The following PPHLN1 variants were observed in gnomAD, a reference collection of about 807,000 sequenced individuals.
PPHLN1 encodes the protein periphilin 1.
A neutral mutation model predicts 51.3 loss-of-function variants in PPHLN1; 29 were observed. The ratio of observed to expected loss-of-function variants is 0.57; its 90% CI spans 0.42 to 0.77. The LOEUF (loss-of-function observed/expected upper bound fraction) is 0.77. PPHLN1 is among the 30% of genes least tolerant of loss of function. The pLI is 0.00. For missense variants in PPHLN1, 436 were observed against 438.4 expected (o/e 0.99, Z 0.05); for synonymous variants, 147 against 147.8 (o/e 0.99, Z 0.04).
chr12:42,408,828 A>G (rs2079547457), intron 9 of PPHLN1, among the ~76,000 whole-genome samples: 1 of 152,230 alleles, frequency 6.6e-6, no homozygotes, highest in African/African-American at 2.4e-5. Flanking sequence ...TAAGTAACTG[A>G]TAAGTCACAC....
At chr12:42,371,991 AG>A (rs2075845054) in intron 4 of PPHLN1, among the ~76,000 whole-genome samples, 2 of 152,166 alleles carry the variant, frequency 1.3e-5, no homozygotes, top group African/African-American at 4.8e-5. Context: ...TTACCTTTGT[AG>A]CTTTGTACCA....
At chr12:42,404,564 A>G (rs2079123923) in intron 9 of PPHLN1, among the ~76,000 whole-genome samples, 1 of 152,142 alleles carries the variant, frequency 6.6e-6, no homozygotes, top group Non-Finnish European at 1.5e-5. Flanking sequence ...AATATTTCAT[A>G]GCAAGTTTGT....
intron 7 of PPHLN1, among the ~76,000 whole-genome samples, chr12:42,388,467 CCTT>C (rs1337831399): frequency 1.3e-5 from 2 of 152,124 alleles, no homozygotes; most frequent in Non-Finnish European, 2.9e-5. Context: ...TTCTTGCTGA[CCTT>C]CTCCCTATTA....
intron 7 of PPHLN1, among the ~76,000 whole-genome samples, chr12:42,392,475 C>CTT (rs2077814534): frequency 6.6e-6 from 1 of 152,106 alleles, no homozygotes; most frequent in Non-Finnish European, 1.5e-5. Flanking sequence ...AGTGATGTGA[C>CTT]TTTAGAGAAG....
intron 5 of PPHLN1, among the ~76,000 whole-genome samples, chr12:42,382,434 A>G (rs2076834139): frequency 6.6e-6 from 1 of 151,752 alleles, no homozygotes; most frequent in African/African-American, 2.4e-5. Flanking sequence ...TGTGGAACCC[A>G]TTTTCTTTTG....
intron 2 of PPHLN1, among the ~76,000 whole-genome samples, chr12:42,341,049 C>T (rs184398850): frequency 1.4e-5 from 2 of 147,406 alleles, no homozygotes; most frequent in African/African-American, 2.5e-5. Flanking sequence ...GGCATGATCT[C>T]AGCTCACTGC....
chr12:42,407,984 G>A (rs950351539), intron 9 of PPHLN1, among the ~76,000 whole-genome samples: 1 of 152,090 alleles, frequency 6.6e-6, no homozygotes, highest in African/African-American at 2.4e-5. Context: ...AGGGATCACC[G>A]GGGGCTATTT....
intron 2 of PPHLN1, chr12:42,343,843 A>T (rs1298169320): frequency 2.3e-6 from 1 of 433,096 alleles, no homozygotes; most frequent in South Asian, 1.7e-5. Context: ...TATGTTTTTG[A>T]CACACTGTCA....
At chr12:42,414,133 G>A (rs11181493) in intron 9 of PPHLN1, among the ~76,000 whole-genome samples, 76,163 of 151,688 alleles carry the variant, frequency 0.5, 19,378 homozygotes, top group Admixed American at 0.56. Flanking sequence ...GCCTCCCTGG[G>A]TCAAGCGATT....
chr12:42,436,233 T>C (rs2082468862), intron 9 of PPHLN1, among the ~76,000 whole-genome samples: 2 of 152,208 alleles, frequency 1.3e-5, no homozygotes, highest in African/African-American at 4.8e-5. Context: ...GCGGATGATA[T>C]CGATGGTTTT....
At chr12:42,359,784 C>T (rs1202744791) in intron 4 of PPHLN1, 1 of 152,054 alleles carries the variant, frequency 6.6e-6, no homozygotes, top group Non-Finnish European at 1.5e-5. Context: ...CAAAGTGATT[C>T]TTTGTGCTGT....
intron 7 of PPHLN1, among the ~76,000 whole-genome samples, chr12:42,389,321 C>A (rs569675068): frequency 6.6e-6 from 1 of 151,272 alleles, no homozygotes; most frequent in Non-Finnish European, 1.5e-5. Flanking sequence ...TGCAGTGAGC[C>A]GAGATCACGC....
At chr12:42,413,507 G>T (rs2080063612) in intron 9 of PPHLN1, among the ~76,000 whole-genome samples, 1 of 147,826 alleles carries the variant, frequency 6.8e-6, no homozygotes, top group African/African-American at 2.5e-5. Context: ...ATGCTGTTTT[G>T]ATAACTATAT....
chr12:42,375,234 C>T (rs1565869843), intron 5 of PPHLN1, 160 bp downstream of exon 5: 1 of 509,282 alleles, frequency 2.0e-6, no homozygotes. Flanking sequence ...ATAACAAACA[C>T]CATACACACA....
intron 2 of PPHLN1, among the ~76,000 whole-genome samples, chr12:42,342,300 G>A (rs1173485042): frequency 6.6e-6 from 1 of 152,084 alleles, no homozygotes; most frequent in African/African-American, 2.4e-5. Context: ...ATGTCATCCA[G>A]CTGAAGTGCA....
intron 2 of PPHLN1, 41 bp from the exon 3 acceptor site, chr12:42,351,844 G>T (rs748600078): frequency 6.7e-6 from 10 of 1,499,266 alleles, no homozygotes; most frequent in Non-Finnish European, 8.9e-6. Context: ...ACCAAATAGA[G>T]AAATTAGTCA....
intron 5 of PPHLN1, among the ~76,000 whole-genome samples, chr12:42,376,582 T>G (rs2076283202): frequency 6.6e-6 from 1 of 151,408 alleles, no homozygotes; most frequent in African/African-American, 2.4e-5. Flanking sequence ...AGCCCAGGAG[T>G]TTGAGACCAG....
At chr12:42,335,857 T>C (rs370805926) in intron 1 of PPHLN1, 26 bp from the exon 2 acceptor site, 1 of 1,387,104 alleles carries the variant, frequency 7.2e-7, no homozygotes, top group Non-Finnish European at 9.8e-7. Flanking sequence ...TAGTATAAAA[T>C]CCATAATTCT....
chr12:42,339,029 A>G (rs2071099575), intron 2 of PPHLN1, among the ~76,000 whole-genome samples: 1 of 152,250 alleles, frequency 6.6e-6, no homozygotes, highest in Non-Finnish European at 1.5e-5. Context: ...AATATGAAAC[A>G]GAGGCTTCTT....
Sources: gnomAD v4.1 joint callset for allele counts (sites outside exome capture counted in the v4.1 genomes callset) on GRCh38, gnomAD v4.1.1 for gene constraint, MANE v1.5 for transcripts, NCBI Gene and HGNC (gene_info 2026-07-23, HGNC 2026-07-21) for gene names.